Variants in CNTN6 observed in about 807,000 individuals in gnomAD.
CNTN6 encodes contactin 6.
A neutral mutation model predicts 122.8 loss-of-function variants in CNTN6; 137 were observed. The observed-to-expected ratio is 1.12, with a 90% confidence interval of 0.97 to 1.29. The LOEUF (loss-of-function observed/expected upper bound fraction) is 1.29, where lower values mean the gene tolerates loss of function less well. CNTN6 is among the 50% of genes most tolerant of loss of function. CNTN6 has a pLI of 0.00. For missense variants in CNTN6, 1,634 were observed against 1,223.4 expected (o/e 1.34, Z -5.01); for synonymous variants, 570 against 426.0 (o/e 1.34, Z -4.16).
rs1300442244 is a variant in CNTN6 at position 1,163,080 on chromosome 3, A to G, written c.55+15017A>G. On this transcript the variant is annotated intron_variant, in intron 2 of 22. Coordinates refer to ENST00000446702, the MANE Select transcript of CNTN6 (RefSeq NM_001289080.2). ...CATCCTTTCCAGTTCTGATTACCCAATGATTCTAAGATGAGAAGCGTTACA... is the reference window on the plus strand; with the variant it reads ...CATCCTTTCCAGTTCTGATTACCCAGTGATTCTAAGATGAGAAGCGTTACA... 3.9e-5 allele frequency among the ~76,000 whole-genome samples: 6 copies of G among 152,336 alleles called. No homozygotes were observed. The South Asian group carries it at 6.2e-4, about 16-fold the overall frequency.
intron 12 of CNTN6, among the ~76,000 whole-genome samples, chr3:1,355,734 G>C (rs1392943850): frequency 6.6e-6 from 1 of 151,736 alleles, no homozygotes; most frequent in Non-Finnish European, 1.5e-5. Flanking sequence ...AGAAATCTCA[G>C]TAAAGCTGAT....
chr3:1,349,184 T>A (rs1029742416), intron 11 of CNTN6, among the ~76,000 whole-genome samples: 2 of 151,966 alleles, frequency 1.3e-5, no homozygotes, highest in African/African-American at 4.8e-5. Flanking sequence ...CACATATTTT[T>A]ATGACTCATT....
chr3:1,258,077 T>C (rs1253656686), intron 4 of CNTN6, among the ~76,000 whole-genome samples: 3 of 152,110 alleles, frequency 2.0e-5, no homozygotes, highest in Non-Finnish European at 4.4e-5. Context: ...CCCCTCCAAG[T>C]TGTATTGGAA....
chr3:1,164,661 G>C (rs1464578097), intron 2 of CNTN6, among the ~76,000 whole-genome samples: 1 of 152,158 alleles, frequency 6.6e-6, no homozygotes, highest in Non-Finnish European at 1.5e-5. Context: ...CATATATTAG[G>C]ACTCAGAAGC....
intron 11 of CNTN6, among the ~76,000 whole-genome samples, chr3:1,337,725 G>T (rs1022531342): frequency 6.6e-6 from 1 of 151,968 alleles, no homozygotes. Flanking sequence ...ATTTTAAATT[G>T]TTCATACTCA....
At chr3:1,373,234 T>C (rs1238423320) in intron 14 of CNTN6, among the ~76,000 whole-genome samples, 2 of 152,084 alleles carry the variant, frequency 1.3e-5, no homozygotes, top group African/African-American at 4.8e-5. Context: ...ATACCTTCTG[T>C]TTATAATAAA....
intron 1 of CNTN6, among the ~76,000 whole-genome samples, chr3:1,126,209 T>G (rs2125080753): frequency 6.6e-6 from 1 of 152,034 alleles, no homozygotes; most frequent in South Asian, 2.1e-4. Flanking sequence ...CATTCCTCAC[T>G]GGAAAATGGA....
chr3:1,314,092 T>C (rs1407316750), intron 7 of CNTN6, among the ~76,000 whole-genome samples: 1 of 152,080 alleles, frequency 6.6e-6, no homozygotes, highest in African/African-American at 2.4e-5. Flanking sequence ...CATGACTCCA[T>C]TTACACCACT....
intron 4 of CNTN6, among the ~76,000 whole-genome samples, chr3:1,250,124 A>C (rs2094640502): frequency 1.3e-5 from 2 of 152,206 alleles, no homozygotes; most frequent in Admixed American, 1.3e-4. Context: ...TAAATATTAA[A>C]ATTAATAAAA....
intron 4 of CNTN6, among the ~76,000 whole-genome samples, chr3:1,254,873 G>C (rs575525545): frequency 6.6e-6 from 1 of 152,110 alleles, no homozygotes; most frequent in Non-Finnish European, 1.5e-5. Flanking sequence ...ATGTCCAGCA[G>C]TAAACATTTA....
intron 2 of CNTN6, among the ~76,000 whole-genome samples, chr3:1,204,776 C>G (rs533677526): frequency 1.5e-4 from 23 of 152,246 alleles, no homozygotes; most frequent in African/African-American, 5.3e-4. Flanking sequence ...TACTCTCTAA[C>G]ATATATAACT....
At chr3:1,194,575 T>C (rs2093748959) in intron 2 of CNTN6, among the ~76,000 whole-genome samples, 1 of 152,168 alleles carries the variant, frequency 6.6e-6, no homozygotes, top group African/African-American at 2.4e-5. Flanking sequence ...TATCTAGGAT[T>C]CCCTGTTCTC....
At chr3:1,226,902 G>T (rs905044456) in intron 3 of CNTN6, among the ~76,000 whole-genome samples, 1 of 152,038 alleles carries the variant, frequency 6.6e-6, no homozygotes, top group Admixed American at 6.6e-5. Flanking sequence ...TTTAAAAAAT[G>T]GTCTATGTGA....
intron 7 of CNTN6, among the ~76,000 whole-genome samples, chr3:1,308,241 T>C (rs1416698490): frequency 6.6e-6 from 1 of 151,922 alleles, no homozygotes; most frequent in Non-Finnish European, 1.5e-5. Flanking sequence ...ACTTTTAAGT[T>C]GGATCTTGTG....
intron 20 of CNTN6, among the ~76,000 whole-genome samples, chr3:1,395,319 G>GAGTT (rs1487322462): frequency 1.3e-5 from 2 of 152,134 alleles, no homozygotes; most frequent in African/African-American, 4.8e-5. Flanking sequence ...TGGAGGTCAG[G>GAGTT]AGTTAGACAG....
intron 2 of CNTN6, among the ~76,000 whole-genome samples, chr3:1,158,849 C>CACACACACATATAT (rs1559422218): frequency 1.8e-5 from 1 of 54,370 alleles, no homozygotes; most frequent in Non-Finnish European, 3.5e-5. Flanking sequence ...CATATATATA[C>CACACACACATATAT]ATACATATAT....
intron 1 of CNTN6, among the ~76,000 whole-genome samples, chr3:1,101,331 G>T (rs1170083507): frequency 6.6e-6 from 1 of 152,034 alleles, no homozygotes; most frequent in Non-Finnish European, 1.5e-5. Flanking sequence ...TCTCCATTTG[G>T]TGCCTCTGAG....
intron 1 of CNTN6, among the ~76,000 whole-genome samples, chr3:1,101,749 A>G (rs113430111): frequency 1.7e-3 from 265 of 152,344 alleles, no homozygotes; most frequent in African/African-American, 6.0e-3. Context: ...GTTTTAGTCC[A>G]ATGACAGAAT....
chr3:1,325,362 G>T (rs1472378942), intron 8 of CNTN6, among the ~76,000 whole-genome samples: 4 of 151,780 alleles, frequency 2.6e-5, no homozygotes, highest in African/African-American at 9.7e-5. Context: ...ATGCTTCAAG[G>T]TATTGAGTTG....
Sources: gnomAD v4.1 joint callset for allele counts (sites outside exome capture counted in the v4.1 genomes callset) on GRCh38, gnomAD v4.1.1 for gene constraint, MANE v1.5 for transcripts, NCBI Gene and HGNC (gene_info 2026-07-23, HGNC 2026-07-21) for gene names.